Variants in IL1RAPL1 observed in about 807,000 individuals in gnomAD.
IL1RAPL1 encodes interleukin 1 receptor accessory protein like 1.
Under a neutral mutation model 48.4 loss-of-function variants are expected in IL1RAPL1, and 3 were observed. That is an observed-to-expected ratio of 0.06 (90% CI 0.03 to 0.16). The LOEUF (loss-of-function observed/expected upper bound fraction) is 0.16. Among genes scored for constraint, IL1RAPL1 ranks in the 10% least tolerant of loss-of-function variants. The probability of loss-of-function intolerance (pLI) is 1.00; values close to 1 mark genes in which losing one functional copy is unlikely to be tolerated. For synonymous variants in IL1RAPL1, 185 were observed against 187.7 expected, an observed-to-expected ratio of 0.99 and a Z score of 0.12; for missense variants, 349 against 530.6, an observed-to-expected ratio of 0.66 and a Z score of 3.36.
intron 2 of IL1RAPL1, among the ~76,000 whole-genome samples, chrX:28,904,194 T>C (rs935478968): frequency 4.5e-5 from 5 of 111,476 alleles, no homozygotes; most frequent in African/African-American, 1.6e-4. Context: ...AATTAAATTG[T>C]TTAATCATAA....
At chrX:28,749,657 T>G (rs1253656833) in intron 1 of IL1RAPL1, among the ~76,000 whole-genome samples, 8 of 111,957 alleles carry the variant, frequency 7.1e-5, no homozygotes, top group Non-Finnish European at 1.5e-4. Context: ...TATTAACTCC[T>G]TGCCAGATAT....
intron 6 of IL1RAPL1, among the ~76,000 whole-genome samples, chrX:29,799,309 A>T (rs1241068664): frequency 1.8e-5 from 2 of 112,249 alleles, no homozygotes; most frequent in Non-Finnish European, 3.8e-5. Flanking sequence ...TATTTGATCC[A>T]TAGCTCTTTC....
rs757797975 is a variant in IL1RAPL1 at position 29,503,236 on chromosome X, C to A, written c.703+103928C>A. 4.5e-5 allele frequency among the ~76,000 whole-genome samples: 5 copies of A among 111,493 alleles called. No individual in the cohort carries two copies. The Admixed American group carries it at 4.7e-4, about 11-fold the overall frequency. On this transcript the variant is annotated intron_variant, in intron 5 of 10. Coordinates refer to ENST00000378993, the MANE Select transcript of IL1RAPL1 (RefSeq NM_014271.4). The stretch of plus-strand genomic sequence containing the variant: ...GTCAATTTTGTTTCTTTTCAAAAAG[C>A]CAACTTTTTGTTTTGTCGATCTTCT...
At chrX:29,598,760 T>A (rs1326712085) in intron 5 of IL1RAPL1, among the ~76,000 whole-genome samples, 1 of 112,035 alleles carries the variant, frequency 8.9e-6, no homozygotes, top group East Asian at 2.8e-4. Flanking sequence ...GTTGGACTAG[T>A]ACTTTTAGCA....
intron 6 of IL1RAPL1, among the ~76,000 whole-genome samples, chrX:29,687,851 C>G (rs1399491051): frequency 8.9e-6 from 1 of 111,866 alleles, no homozygotes; most frequent in African/African-American, 3.2e-5. Flanking sequence ...ATCATGATCT[C>G]TCTATATTCT....
intron 2 of IL1RAPL1, among the ~76,000 whole-genome samples, chrX:29,209,401 C>T (rs1930727829): frequency 8.9e-6 from 1 of 111,956 alleles, no homozygotes; most frequent in African/African-American, 3.2e-5. Context: ...CTTGTTTTCT[C>T]ACTAAGGTTT....
chrX:29,880,890 CTAA>C (rs1265896511), intron 6 of IL1RAPL1, among the ~76,000 whole-genome samples: 1 of 111,458 alleles, frequency 9.0e-6, no homozygotes, highest in Admixed American at 9.6e-5. Flanking sequence ...AATTATGTGA[CTAA>C]TGTTTCATTA....
chrX:28,966,217 A>G (rs1010683024), intron 2 of IL1RAPL1, among the ~76,000 whole-genome samples: 2 of 112,155 alleles, frequency 1.8e-5, no homozygotes, highest in African/African-American at 6.5e-5. Flanking sequence ...GAGGAAATAC[A>G]TGGTTATGCT....
chrX:28,981,090 C>CAAAAAAAAAA (rs57824632), intron 2 of IL1RAPL1, among the ~76,000 whole-genome samples: 6 of 24,306 alleles, frequency 2.5e-4, no homozygotes, highest in African/African-American at 4.2e-4. Flanking sequence ...GACCCTGTCT[C>CAAAAAAAAAA]AAAAAAAAAA....
At chrX:29,258,998 A>G (rs767951849) in intron 2 of IL1RAPL1, among the ~76,000 whole-genome samples, 3 of 110,996 alleles carry the variant, frequency 2.7e-5, no homozygotes, top group Non-Finnish European at 3.8e-5. Context: ...TCCCCTCCCC[A>G]ACTCTAACCT....
chrX:29,422,562 G>C (rs762446446), intron 5 of IL1RAPL1, among the ~76,000 whole-genome samples: 1 of 112,178 alleles, frequency 8.9e-6, no homozygotes, highest in African/African-American at 3.2e-5. Context: ...AAGGCAGAAA[G>C]CTATTCTTTA....
At chrX:29,691,750 C>CA (rs761236508) in intron 6 of IL1RAPL1, among the ~76,000 whole-genome samples, 266 of 17,243 alleles carry the variant, frequency 0.015, 3 homozygotes, top group East Asian at 0.14. Flanking sequence ...GACTCCGTCT[C>CA]AAAAAAAAAA....
At chrX:28,649,073 TC>T (rs1934652187) in intron 1 of IL1RAPL1, among the ~76,000 whole-genome samples, 1 of 112,106 alleles carries the variant, frequency 8.9e-6, no homozygotes, top group African/African-American at 3.2e-5. Flanking sequence ...TTTGTCTGTA[TC>T]TCCATTTCCT....
At chrX:29,576,855 G>C (rs1365504700) in intron 5 of IL1RAPL1, among the ~76,000 whole-genome samples, 1 of 108,713 alleles carries the variant, frequency 9.2e-6, no homozygotes, top group Non-Finnish European at 1.9e-5. Context: ...ATTTAATTTT[G>C]GTTTCTAATA....
chrX:29,606,591 C>T (rs898885409), intron 5 of IL1RAPL1, among the ~76,000 whole-genome samples: 78 of 112,080 alleles, frequency 7.0e-4, no homozygotes, highest in African/African-American at 2.3e-3. Context: ...CATGAATAAA[C>T]ATTTAACTCT....
chrX:29,623,237 G>A (rs867414157), intron 5 of IL1RAPL1, among the ~76,000 whole-genome samples: 5 of 107,771 alleles, frequency 4.6e-5, no homozygotes, highest in Admixed American at 1.0e-4. Flanking sequence ...GAGCCGAGAT[G>A]CGCCACTGCA....
At chrX:29,045,919 TTCCTCCTCC>T (rs1195692199) in intron 2 of IL1RAPL1, among the ~76,000 whole-genome samples, 1 of 83,570 alleles carries the variant, frequency 1.2e-5, no homozygotes, top group Non-Finnish European at 2.3e-5. Context: ...CTCCTCCTTC[TTCCTCCTCC>T]TCCTCCTCCT....
intron 5 of IL1RAPL1, among the ~76,000 whole-genome samples, chrX:29,478,978 C>T (rs1292552374): frequency 9.0e-6 from 1 of 110,921 alleles, no homozygotes; most frequent in East Asian, 2.8e-4. Context: ...TTTGTTTATT[C>T]TCTTCTTACC....
chrX:28,954,487 A>G (rs962722990), intron 2 of IL1RAPL1, among the ~76,000 whole-genome samples: 14 of 110,300 alleles, frequency 1.3e-4, no homozygotes, highest in Non-Finnish European at 1.9e-4. Context: ...ATATACCTGT[A>G]TTATTTAAAC....
Sources: gnomAD v4.1 joint callset for allele counts (sites outside exome capture counted in the v4.1 genomes callset) on GRCh38, gnomAD v4.1.1 for gene constraint, MANE v1.5 for transcripts, NCBI Gene and HGNC (gene_info 2026-07-23, HGNC 2026-07-21) for gene names.